The following SBF2 variants were observed in gnomAD, a reference collection of about 807,000 sequenced individuals.
SBF2 encodes the protein myotubularin-related protein 13.
In SBF2, 112 loss-of-function variants were observed where a neutral mutation model predicts 225.2. That is an observed-to-expected ratio of 0.50 (90% CI 0.43 to 0.58). The LOEUF (loss-of-function observed/expected upper bound fraction) is 0.58. Among genes scored for constraint, SBF2 ranks in the 20% least tolerant of loss-of-function variants. The pLI, the probability that SBF2 is intolerant of heterozygous loss-of-function variation, is 0.00. For synonymous variants in SBF2, 763 were observed against 773.3 expected (o/e 0.99, Z 0.22); for missense variants, 1,996 against 2,206.2 (o/e 0.90, Z 1.91).
chr11:10,254,900 C>CA lies in SBF2; in HGVS notation c.55+39114dup, dbSNP rs71034757. ...TGGGTGACAGAGTGAGACTCTGTCT[C>CA]AAAAAAAAAAAAAAAAAAAAAAAAA... On this transcript the variant is annotated intron_variant, in intron 1 of 39. Coordinates refer to ENST00000256190, the MANE Select transcript of SBF2 (RefSeq NM_030962.4). Among the ~76,000 whole-genome samples the CA allele has an allele frequency of 2.9e-3, 128 of 44,074 alleles. 15 individuals carry two copies. The highest frequency in any genetic ancestry group is 3.8e-3 in the Non-Finnish European group (100 of 26,490). The allele number at this position is 44,074 out of a possible 152,430, so 28.9% of individuals were successfully genotyped here.
upstream of SBF2, among the ~76,000 whole-genome samples, chr11:10,298,893 C>T (rs996444481): frequency 6.6e-6 from 1 of 152,210 alleles, no homozygotes; most frequent in Admixed American, 6.5e-5. Flanking sequence ...TTCCCAGCTT[C>T]ACCGATGGTT....
intron 2 of SBF2, among the ~76,000 whole-genome samples, chr11:10,046,374 A>C (rs1401972480): frequency 6.6e-6 from 1 of 152,260 alleles, no homozygotes; most frequent in Non-Finnish European, 1.5e-5. Flanking sequence ...AAAAGCAAAA[A>C]TATTAGCAAG....
At position 10,277,288 on chromosome 11, in the gene SBF2, T is replaced by A. The variant is rs1276244427; in HGVS notation, c.55+16727A>T. ...ACAAAAAATCATGCAAAGCTATGTA[T>A]CTGTCTTCCAAGGAATTCTGAATTT... On this transcript the variant is annotated intron_variant, in intron 1 of 39. Transcript: ENST00000256190. 4.6e-5 allele frequency among the ~76,000 whole-genome samples: 6 copies of A among 129,182 alleles called. No individual in the cohort carries two copies. The Admixed American group carries it at 4.7e-4, about 10-fold the overall frequency. 84.7% of individuals were successfully genotyped at this position (129,182 alleles called of 152,430 possible).
chr11:9,995,088 G>T (rs1473172234), intron 9 of SBF2, among the ~76,000 whole-genome samples: 1 of 151,778 alleles, frequency 6.6e-6, no homozygotes. Context: ...ATAAGATTTT[G>T]AACTTTGCAG....
intron 16 of SBF2, among the ~76,000 whole-genome samples, chr11:9,954,874 T>C (rs946233067): frequency 2.0e-5 from 3 of 152,078 alleles, no homozygotes; most frequent in African/African-American, 7.2e-5. Flanking sequence ...AAAGTACTAA[T>C]AGCAAAAAGC....
intron 2 of SBF2, among the ~76,000 whole-genome samples, chr11:10,083,996 A>G (rs1294817541): frequency 6.6e-6 from 1 of 152,158 alleles, no homozygotes; most frequent in East Asian, 1.9e-4. Flanking sequence ...ACAAATAAAC[A>G]AATGTGAATT....
At chr11:9,884,223 T>A (rs1459353846) in intron 17 of SBF2, among the ~76,000 whole-genome samples, 1 of 152,210 alleles carries the variant, frequency 6.6e-6, no homozygotes, top group Non-Finnish European at 1.5e-5. Context: ...TCAGGAGACC[T>A]GGGCTCTTGT....
At chr11:9,840,751 G>A (rs777160494) in intron 25 of SBF2, among the ~76,000 whole-genome samples, 4 of 152,318 alleles carry the variant, frequency 2.6e-5, no homozygotes, top group Non-Finnish European at 4.4e-5. Context: ...TATTTCCTCA[G>A]AGAGGTATAA....
At chr11:10,040,503 G>A (rs777929054) in intron 3 of SBF2, among the ~76,000 whole-genome samples, 10 of 151,566 alleles carry the variant, frequency 6.6e-5, no homozygotes, top group Non-Finnish European at 1.2e-4. Context: ...GAAAAGAGAC[G>A]AAAGAGAAAT....
chr11:10,221,477 G>C (rs780003084), intron 1 of SBF2, among the ~76,000 whole-genome samples: 17 of 152,094 alleles, frequency 1.1e-4, no homozygotes, highest in Admixed American at 4.6e-4. Flanking sequence ...TTACAATAGT[G>C]ATATTCAAAA....
chr11:10,156,146 T>G (rs1016123944), intron 2 of SBF2, among the ~76,000 whole-genome samples: 6 of 152,176 alleles, frequency 3.9e-5, no homozygotes, highest in Non-Finnish European at 5.9e-5. Flanking sequence ...CTCTCCTCGC[T>G]CCCAGTGCCC....
At chr11:9,871,786 C>T (rs1045592649) in intron 17 of SBF2, among the ~76,000 whole-genome samples, 28 of 152,038 alleles carry the variant, frequency 1.8e-4, no homozygotes, top group African/African-American at 6.0e-4. Flanking sequence ...CCACCGTGCC[C>T]GGCCAGGATG....
chr11:10,007,369 C>T (rs1471413581), intron 6 of SBF2, among the ~76,000 whole-genome samples: 2 of 152,126 alleles, frequency 1.3e-5, no homozygotes, highest in African/African-American at 4.8e-5. Flanking sequence ...AGTTTGACTC[C>T]AAAACCCTAA....
intron 1 of SBF2, among the ~76,000 whole-genome samples, chr11:10,231,352 G>C (rs915484600): frequency 6.6e-6 from 1 of 152,174 alleles, no homozygotes; most frequent in Non-Finnish European, 1.5e-5. Flanking sequence ...TGCTGGTGAG[G>C]AGCTGCGTTC....
rs890389501 is a variant in SBF2, at chr11:9,779,146, T to G, written c.*1272A>C. ...TTATTTTTAATCTACAAAGTATTTTTATTTTTTAAAAGGGAACCATTTCAT... is the reference window on the plus strand; with the variant it reads ...TTATTTTTAATCTACAAAGTATTTTGATTTTTTAAAAGGGAACCATTTCAT... On this transcript the variant is annotated 3_prime_UTR_variant, in exon 40 of 40. Coordinates refer to ENST00000256190, the MANE Select transcript of SBF2 (RefSeq NM_030962.4). 3.9e-5 allele frequency: 6 copies of G among 152,636 alleles called. No individual in the cohort carries two copies. Among genetic ancestry groups the G allele is most frequent in the African/African-American group, 1.4e-4 (6 of 41,452 alleles). 9.5% of individuals were successfully genotyped at this position (152,636 alleles called of 1,614,324 possible).
chr11:9,806,322 ATTATTG>A (rs1349205335), intron 32 of SBF2, among the ~76,000 whole-genome samples: 2 of 152,244 alleles, frequency 1.3e-5, no homozygotes, highest in African/African-American at 2.4e-5. Flanking sequence ...CAAATTAGTA[ATTATTG>A]TTAGTAATGG....
chr11:9,850,846 A>T (rs1856871444), intron 21 of SBF2, among the ~76,000 whole-genome samples: 2 of 152,220 alleles, frequency 1.3e-5, no homozygotes, highest in South Asian at 4.1e-4. Context: ...ATGGAAAAAT[A>T]TCCAGAAGGC....
intron 15 of SBF2, among the ~76,000 whole-genome samples, 155 bp from the exon 16 acceptor site, chr11:9,962,261 A>G (rs1283973571): frequency 3.6e-5 from 4 of 109,876 alleles, no homozygotes; most frequent in African/African-American, 1.2e-4. Flanking sequence ...TTTATTATTA[A>G]GACAATTATA....
chr11:10,002,485 A>C lies in SBF2; in HGVS notation c.752+72T>G, dbSNP rs1948012166. The C allele has an allele frequency of 2.3e-5, 28 of 1,241,946 alleles. No individual in the cohort carries two copies. The South Asian group carries it at 2.9e-4, about 13-fold the overall frequency. The allele number at this position is 1,241,946 out of a possible 1,614,324, so 76.9% of individuals were successfully genotyped here. A position where few individuals can be genotyped will look rare whatever the true frequency, so the allele number is the denominator to read the frequency against. Reference sequence around the variant, plus strand: ...ATGTGGTTCAAAACCATTGTGCCATAACATTATGACTTATCAACGATAAGT... The same window carrying C: ...ATGTGGTTCAAAACCATTGTGCCATCACATTATGACTTATCAACGATAAGT... On this transcript the variant is annotated intron_variant, in intron 7 of 39. Transcript: ENST00000256190.
Sources: gnomAD v4.1 joint callset for allele counts (sites outside exome capture counted in the v4.1 genomes callset) on GRCh38, gnomAD v4.1.1 for gene constraint, MANE v1.5 for transcripts, NCBI Gene and HGNC (gene_info 2026-07-23, HGNC 2026-07-21) for gene names.